The following CCDC88A variants were observed in gnomAD, a reference collection of about 807,000 sequenced individuals.
The protein encoded by CCDC88A is coiled-coil and HOOK domain protein 88A.
In CCDC88A, 54 loss-of-function variants were observed where a neutral mutation model predicts 234.3. The ratio of observed to expected loss-of-function variants is 0.23; its 90% confidence interval spans 0.19 to 0.29. The LOEUF (loss-of-function observed/expected upper bound fraction) is 0.29, where lower values mean the gene tolerates loss of function less well. CCDC88A is among the 10% of genes least tolerant of loss of function. The pLI is 1.00. For synonymous variants in CCDC88A, 753 were observed against 737.8 expected (o/e 1.02, Z -0.33); for missense variants, 1,832 against 2,123.4 (o/e 0.86, Z 2.70).
At chr2:55,349,095 A>T (rs116431298) in intron 9 of CCDC88A, 288 of 154,016 alleles carry the variant, frequency 1.9e-3, no homozygotes, top group Middle Eastern at 6.7e-3. Context: ...AAAAGTTTTA[A>T]TCTTATTTAA....
At chr2:55,355,219 A>T in intron 8 of CCDC88A, 1 of 213,442 alleles carries the variant, frequency 4.7e-6, no homozygotes, top group Non-Finnish European at 9.3e-6. Flanking sequence ...ATAGGTGTAA[A>T]ACATTAATTT....
At chr2:55,359,168 C>G (rs569106129) in intron 7 of CCDC88A, among the ~76,000 whole-genome samples, 1 of 152,078 alleles carries the variant, frequency 6.6e-6, no homozygotes, top group Non-Finnish European at 1.5e-5. Flanking sequence ...CTTTGTATCT[C>G]TCAATCTCTA....
Position 55,349,500 on chromosome 2 carries a change from G to C in CCDC88A, c.882+18C>G. ...AATTACTTGGTGGTCCTAAATAACA[G>C]ATATTCCAGGTACAAACCTCTTGTT... On this transcript the variant is annotated intron_variant, in intron 9 of 32. Coordinates refer to ENST00000436346, the MANE Select transcript of CCDC88A (RefSeq NM_001365480.1). 1.9e-6 allele frequency: 3 copies of C among 1,563,176 alleles called. No individual in the cohort carries two copies. Among genetic ancestry groups the C allele is most frequent in the African/African-American group, 1.4e-5 (1 of 73,724 alleles).
intron 26 of CCDC88A, 168 bp downstream of exon 26, chr2:55,302,901 A>C: frequency 1.8e-6 from 1 of 553,992 alleles, no homozygotes; most frequent in Admixed American, 3.0e-5. Flanking sequence ...ACATAATGCA[A>C]ATTCAGTGCC....
chr2:55,391,735 G>A (rs781098003), intron 2 of CCDC88A, among the ~76,000 whole-genome samples: 4 of 152,014 alleles, frequency 2.6e-5, no homozygotes, highest in Non-Finnish European at 5.9e-5. Context: ...TGGAGAAGAG[G>A]GGAGAAAAAG....
At chr2:55,406,071 T>C (rs928002285) in intron 2 of CCDC88A, 12 of 151,748 alleles carry the variant, frequency 7.9e-5, no homozygotes, top group African/African-American at 2.7e-4. Flanking sequence ...GGCAGGAGAA[T>C]TGCTTGAATC....
At chr2:55,412,671 G>C (rs996817099) in intron 2 of CCDC88A, among the ~76,000 whole-genome samples, 1 of 152,098 alleles carries the variant, frequency 6.6e-6, no homozygotes, top group African/African-American at 2.4e-5. Context: ...ACCAGTCCTT[G>C]CTGCCAAAAA....
intron 25 of CCDC88A, 129 bp from the exon 26 acceptor site, chr2:55,303,281 TATTAAGGC>T: frequency 3.0e-6 from 2 of 657,464 alleles, no homozygotes; most frequent in Non-Finnish European, 5.6e-6. Context: ...ATGTATGCTA[TATTAAGGC>T]TATTATTCTC....
chr2:55,366,187 T>C (rs1456755309), intron 5 of CCDC88A, among the ~76,000 whole-genome samples: 1 of 152,180 alleles, frequency 6.6e-6, no homozygotes, highest in African/African-American at 2.4e-5. Context: ...TATTGTATTA[T>C]AGTAACTGAT....
intron 28 of CCDC88A, 42 bp from the exon 29 acceptor site, chr2:55,299,961 C>G (rs1680682154): frequency 7.7e-7 from 1 of 1,292,724 alleles, no homozygotes; most frequent in Non-Finnish European, 1.1e-6. Flanking sequence ...AAACTTCTAG[C>G]TGATGATGCT....
intron 7 of CCDC88A, chr2:55,356,097 C>T (rs532396896): frequency 6.2e-6 from 1 of 160,440 alleles, no homozygotes; most frequent in South Asian, 1.8e-4. Context: ...AAAAACCCAT[C>T]ACCTAGGTAT....
intron 3 of CCDC88A, among the ~76,000 whole-genome samples, chr2:55,380,745 A>G (rs1396004663): frequency 6.6e-6 from 1 of 152,056 alleles, no homozygotes; most frequent in Non-Finnish European, 1.5e-5. Flanking sequence ...CCTCCCAAGT[A>G]GCTGAAACTA....
chr2:55,348,050 C>T (rs1375089270), intron 9 of CCDC88A, among the ~76,000 whole-genome samples: 4 of 152,094 alleles, frequency 2.6e-5, no homozygotes, highest in Non-Finnish European at 5.9e-5. Flanking sequence ...CAGCCTCGAC[C>T]TCCCAGGCTC....
Position 55,362,505 on chromosome 2 carries a change from A to G in CCDC88A, c.487-57T>C, listed in dbSNP as rs143713614. ...AAAAGTGGCTAATACTTAAAAATCT[A>G]TTTCACTATAGTACAATATTAGCCC... On this transcript the variant is annotated intron_variant, in intron 6 of 32. Transcript: ENST00000436346. 8.1e-5 allele frequency: 118 copies of G among 1,453,738 alleles called. No individual in the cohort carries two copies. In the East Asian group the frequency reaches 9.3e-4, roughly 11 times the overall value. 90.1% of individuals were successfully genotyped at this position (1,453,738 alleles called of 1,614,324 possible).
At chr2:55,354,898 C>CT (rs1244842512) in intron 8 of CCDC88A, among the ~76,000 whole-genome samples, 1 of 151,124 alleles carries the variant, frequency 6.6e-6, no homozygotes, top group African/African-American at 2.4e-5. Flanking sequence ...TTTTTCTTTT[C>CT]TTTTTTTACT....
At chr2:55,360,400 C>A (rs1183302266) in intron 7 of CCDC88A, among the ~76,000 whole-genome samples, 1 of 152,094 alleles carries the variant, frequency 6.6e-6, no homozygotes, top group Non-Finnish European at 1.5e-5. Flanking sequence ...ACATTTTTCA[C>A]AATTTTTTAA....
intron 2 of CCDC88A, among the ~76,000 whole-genome samples, chr2:55,393,292 T>TTG (rs1465131918): frequency 8.3e-5 from 10 of 120,768 alleles, no homozygotes; most frequent in Non-Finnish European, 1.4e-4. Flanking sequence ...TTTTTGGGTT[T>TTG]TTTTTTTTTT....
At chr2:55,300,143 A>G (rs781174678) in intron 28 of CCDC88A, 6 of 467,942 alleles carry the variant, frequency 1.3e-5, no homozygotes, top group Non-Finnish European at 2.3e-5. Context: ...GATAAAGTGC[A>G]TATTTAGATT....
chr2:55,311,035 T>C (rs1387563830), intron 23 of CCDC88A, among the ~76,000 whole-genome samples: 1 of 152,198 alleles, frequency 6.6e-6, no homozygotes, highest in Admixed American at 6.5e-5. Flanking sequence ...GGAAGTCAAC[T>C]ATCTAGATAC....
Sources: allele counts gnomAD v4.1 joint callset (sites outside exome capture counted in the v4.1 genomes callset), GRCh38; gene constraint gnomAD v4.1.1; transcripts MANE v1.5; gene names NCBI Gene and HGNC (gene_info 2026-07-23, HGNC 2026-07-21).